The following SOS2 variants were observed in gnomAD, a reference collection of about 807,000 sequenced individuals.
SOS2 encodes the protein SOS Ras/Rho guanine nucleotide exchange factor 2.
Under a neutral mutation model 148.2 loss-of-function variants are expected in SOS2, and 65 were observed. That is an observed-to-expected ratio of 0.44 (90% confidence interval 0.36 to 0.54). The LOEUF is 0.54. SOS2 is among the 20% of genes least tolerant of loss of function. The pLI, the probability that SOS2 is intolerant of heterozygous loss-of-function variation, is 0.00. For synonymous variants in SOS2, 539 were observed against 537.1 expected (o/e 1.00, Z -0.05); for missense variants, 1,341 against 1,590.2 (o/e 0.84, Z 2.67).
intron 21 of SOS2, among the ~76,000 whole-genome samples, chr14:50,125,201 C>T (rs1037758057): frequency 7.2e-5 from 11 of 152,116 alleles, no homozygotes; most frequent in African/African-American, 1.4e-4. Context: ...AAACATACCG[C>T]GAGAAGACAG....
At chr14:50,208,136 A>G (rs1474442650) in intron 1 of SOS2, among the ~76,000 whole-genome samples, 3 of 151,940 alleles carry the variant, frequency 2.0e-5, no homozygotes, top group Admixed American at 2.0e-4. Context: ...TCTCTACTAA[A>G]AATACAAAAA....
At position 50,118,360 on chromosome 14, in the gene SOS2, G is replaced by C. The variant is rs1318434566; in HGVS notation, c.3983C>G (p.Ala1328Gly). 1 of 1,613,656 alleles carries C rather than the reference G, an allele frequency of 6.2e-7. No homozygotes were observed. Among genetic ancestry groups the C allele is most frequent in the East Asian group, 2.2e-5 (1 of 44,876 alleles). The change falls in exon 23 of 23, where the codon GCA (alanine) becomes GGA (glycine). Residue 1328 changes from alanine to glycine, a missense_variant. Ala to Gly is a moderately conservative substitution (Grantham distance 60). Around this residue, in one of 4 missense-constraint regions of SOS2, gnomAD observed 354 missense variants for 347.7 expected, o/e 1.02. Coordinates refer to ENST00000216373, the MANE Select transcript of SOS2 (RefSeq NM_006939.4). ...PLYRLPLLEN[A>G]ETPQ ...TGGCTAAGGTCATTGGGGAGTTTCT[G>C]CATTTTCTAGCAAAGGCAGTCTGTA... is the stretch of plus-strand genomic sequence containing the variant.
intron 9 of SOS2, among the ~76,000 whole-genome samples, chr14:50,160,942 T>C (rs1299147805): frequency 6.6e-6 from 1 of 151,682 alleles, no homozygotes; most frequent in African/African-American, 2.4e-5. Flanking sequence ...GCCCAGGAGG[T>C]TGAGGCTGCT....
At chr14:50,154,834 T>C (rs575377259) in intron 12 of SOS2, among the ~76,000 whole-genome samples, 1 of 152,206 alleles carries the variant, frequency 6.6e-6, no homozygotes. Context: ...TTCTGGGGTG[T>C]AGTAACATTT....
chr14:50,207,837 C>G (rs992411755), intron 1 of SOS2, among the ~76,000 whole-genome samples: 8 of 148,538 alleles, frequency 5.4e-5, no homozygotes, highest in African/African-American at 2.0e-4. Flanking sequence ...ACCCGGGAGA[C>G]AGACGCTGCC....
intron 1 of SOS2, among the ~76,000 whole-genome samples, chr14:50,218,531 A>C (rs1887106614): frequency 6.6e-6 from 1 of 152,112 alleles, no homozygotes; most frequent in Non-Finnish European, 1.5e-5. Context: ...CCCCCAAAAA[A>C]AAACAAAAAC....
At chr14:50,217,129 T>C (rs1399359197) in intron 1 of SOS2, among the ~76,000 whole-genome samples, 2 of 152,054 alleles carry the variant, frequency 1.3e-5, no homozygotes, top group South Asian at 2.1e-4. Context: ...TAGAACAGAA[T>C]AGAGAATCCA....
chr14:50,189,061 T>TCACACATACA (rs1555321069), intron 4 of SOS2, among the ~76,000 whole-genome samples: 1 of 128,688 alleles, frequency 7.8e-6, no homozygotes, highest in Non-Finnish European at 1.6e-5. Flanking sequence ...CGAGACTCCA[T>TCACACATACA]CACACACACA....
intron 4 of SOS2, among the ~76,000 whole-genome samples, chr14:50,194,348 T>C (rs1313639824): frequency 1.3e-5 from 2 of 151,506 alleles, no homozygotes; most frequent in African/African-American, 2.4e-5. Flanking sequence ...TGTGAAATAA[T>C]AGCTAACTAA....
At chr14:50,218,662 T>C (rs761204985) in intron 1 of SOS2, among the ~76,000 whole-genome samples, 1 of 152,132 alleles carries the variant, frequency 6.6e-6, no homozygotes, top group Non-Finnish European at 1.5e-5. Context: ...CATTAATCAC[T>C]AGGGAAATGC....
chr14:50,131,002 T>A (rs186277850), intron 19 of SOS2, among the ~76,000 whole-genome samples: 12 of 152,314 alleles, frequency 7.9e-5, no homozygotes, highest in Admixed American at 3.3e-4. Context: ...GAAATAAAAT[T>A]CTTGAAATTT....
At chr14:50,150,764 C>T (rs1399717227) in intron 13 of SOS2, among the ~76,000 whole-genome samples, 1 of 151,910 alleles carries the variant, frequency 6.6e-6, no homozygotes, top group East Asian at 1.9e-4. Context: ...ACTTTGTCAC[C>T]CAGGCTGGAG....
intron 19 of SOS2, 69 bp downstream of exon 19, chr14:50,134,054 G>C: frequency 1.2e-6 from 1 of 818,844 alleles, no homozygotes; most frequent in Non-Finnish European, 2.1e-6. Context: ...TAAGATAACA[G>C]GTTGTTAAAC....
At chr14:50,125,145 AT>A (rs1239647074) in intron 21 of SOS2, among the ~76,000 whole-genome samples, 1 of 152,228 alleles carries the variant, frequency 6.6e-6, no homozygotes, top group Non-Finnish European at 1.5e-5. Context: ...TCCAAATCCA[AT>A]ATGACATGAC....
At chr14:50,142,276 G>A (rs1170770688) in intron 16 of SOS2, among the ~76,000 whole-genome samples, 2 of 151,952 alleles carry the variant, frequency 1.3e-5, no homozygotes, top group African/African-American at 4.8e-5. Context: ...CCAAAGTGTT[G>A]GGATTACAGG....
intron 3 of SOS2, 95 bp downstream of exon 3, chr14:50,200,856 AAC>A (rs1886463599): frequency 2.6e-6 from 3 of 1,151,414 alleles, no homozygotes; most frequent in South Asian, 2.8e-5. Flanking sequence ...TATACACACT[AAC>A]ACAGACCATG....
At chr14:50,127,161 GA>G (rs1883708634) in intron 21 of SOS2, among the ~76,000 whole-genome samples, 1 of 116,490 alleles carries the variant, frequency 8.6e-6, no homozygotes, top group Admixed American at 1.0e-4. Context: ...TTTTTTTTGA[GA>G]CAGAGTCTCA....
chr14:50,167,007 A>C (rs1885189574), intron 8 of SOS2, among the ~76,000 whole-genome samples: 1 of 152,122 alleles, frequency 6.6e-6, no homozygotes, highest in Non-Finnish European at 1.5e-5. Context: ...CAGAAGTTTG[A>C]GATCAGCTTG....
At position 50,120,391 on chromosome 14, in the gene SOS2, G is replaced by A; in HGVS notation, c.3380-7C>T. On this transcript the variant is annotated splice_polypyrimidine_tract_variant and splice_region_variant and intron_variant, in intron 21 of 22. Coordinates refer to ENST00000216373, the MANE Select transcript of SOS2 (RefSeq NM_006939.4). ...CATGAACTAAAGAAAGACTCTGGGGGAGAAAAAGACTAGTTTAACCACAAT... is the reference window on the plus strand; with the variant it reads ...CATGAACTAAAGAAAGACTCTGGGGAAGAAAAAGACTAGTTTAACCACAAT... The A allele has an allele frequency of 1.5e-6, 2 of 1,378,214 alleles. No homozygotes were observed. Among genetic ancestry groups the A allele is most frequent in the South Asian group, 2.4e-5 (2 of 83,876 alleles). The allele number at this position is 1,378,214 out of a possible 1,614,324, so 85.4% of individuals were successfully genotyped here.
Sources: allele counts gnomAD v4.1 joint callset (sites outside exome capture counted in the v4.1 genomes callset), GRCh38; gene constraint gnomAD v4.1.1; regional missense constraint gnomAD v4.1.1; transcripts MANE v1.5; gene names NCBI Gene and HGNC (gene_info 2026-07-23, HGNC 2026-07-21).